Variants in GOLGA6L7 observed in about 807,000 individuals in gnomAD.
GOLGA6L7 encodes the protein golgin A6 family like 7.
Under a neutral mutation model 68.9 loss-of-function variants are expected in GOLGA6L7, and 29 were observed. The ratio of observed to expected loss-of-function variants is 0.42; its 90% CI spans 0.31 to 0.57. The LOEUF is 0.57. Ranked by LOEUF, GOLGA6L7 falls within the 20% of genes least tolerant of loss-of-function variation. GOLGA6L7 has a pLI of 0.13. For missense variants in GOLGA6L7, 396 were observed against 588.4 expected (o/e 0.67, Z 3.38); for synonymous variants, 133 against 197.4 (o/e 0.67, Z 2.73).
chr15:28,844,117 T>A (rs1037618315), intron 7 of GOLGA6L7, 88 bp downstream of exon 7: 5 of 517,904 alleles, frequency 9.7e-6, no homozygotes, highest in Non-Finnish European at 1.7e-5. Flanking sequence ...TATGACCCCC[T>A]ACCATGCTCA....
rs889209178 is a variant in GOLGA6L7 at position 28,842,111 on chromosome 15, C to T, written c.*124G>A. 5.8e-5 allele frequency: 49 copies of T among 847,460 alleles called. No individual in the cohort carries two copies. The African/African-American group carries it at 6.2e-4, about 11-fold the overall frequency. 52.5% of individuals were successfully genotyped at this position (847,460 alleles called of 1,614,324 possible). ...TGGTGTGATTACAGGTGCAGGCCAC[C>T]GTGCCCGGCCAGTATTTTGCCACAA... On this transcript the variant is annotated 3_prime_UTR_variant, in exon 9 of 9. Coordinates refer to ENST00000567390, the MANE Select transcript of GOLGA6L7 (RefSeq NM_001365371.2).
At chr15:28,845,204 C>G (rs1428323971) in intron 6 of GOLGA6L7, 2 of 455,614 alleles carry the variant, frequency 4.4e-6, no homozygotes, top group Non-Finnish European at 8.1e-6. Context: ...TGGTAACATA[C>G]TAAAGATACT....
chr15:28,846,895 C>T lies in GOLGA6L7; in HGVS notation c.180+169G>A, dbSNP rs1464724358. ...TGTGAAAAGAGAGGCCCAAAGAGCT[C>T]GAGCAATTTTCCCTAAACCGTGTCC... On this transcript the variant is annotated intron_variant, in intron 2 of 8. Coordinates refer to ENST00000567390, the MANE Select transcript of GOLGA6L7 (RefSeq NM_001365371.2). 46 of 534,344 alleles carry T rather than the reference C, an allele frequency of 8.6e-5. 3 individuals carry two copies. Among genetic ancestry groups the T allele is most frequent in the African/African-American group, 4.8e-4 (20 of 41,742 alleles). The allele number at this position is 534,344 out of a possible 1,614,324, so 33.1% of individuals were successfully genotyped here. A position where few individuals can be genotyped will look rare whatever the true frequency, so the allele number is the denominator to read the frequency against.
At chr15:28,844,523 C>T (rs1394855535) in intron 6 of GOLGA6L7, among the ~76,000 whole-genome samples, 4 of 150,700 alleles carry the variant, frequency 2.7e-5, no homozygotes, top group South Asian at 2.1e-4. Flanking sequence ...CTCCGCCTCC[C>T]GGCTTCAAGC....
chr15:28,847,138 T>G lies in GOLGA6L7; in HGVS notation c.106A>C (p.Thr36Pro), dbSNP rs1461009301. 8.9e-6 allele frequency: 11 copies of G among 1,240,852 alleles called. No homozygotes were observed. The highest frequency in any genetic ancestry group is 1.2e-5 in the Non-Finnish European group (10 of 861,514). The allele number at this position is 1,240,852 out of a possible 1,614,324, so 76.9% of individuals were successfully genotyped here. Residue 36 changes from threonine (T) to proline (P), a missense_variant, in exon 2 of 9, where the codon ACC becomes CCC. Thr to Pro is a conservative substitution (Grantham distance 38). Around this residue, in one of 5 missense-constraint regions of GOLGA6L7, gnomAD observed 18 missense variants for 56.5 expected, o/e 0.32. Transcript: ENST00000567390. ...CCATGATTTATTTTCTTCTTTTTGG[T>G]GTCGGTTGCTCCGGTACCAACACCA... is the stretch of plus-strand genomic sequence containing the variant. ...SAGVGTGATD[T>P]KKKKINHGAN... is the part of the protein sequence containing the mutation.
chr15:28,842,837 CCATCTGCTCCTCCTGCTTCCT>C lies in GOLGA6L7; in HGVS notation c.1246_1266del (p.Arg416_Met422del), dbSNP rs1274563930. 3 of 1,236,342 alleles carry C rather than the reference CCATCTGCTCCTCCTGCTTCCT, an allele frequency of 2.4e-6. No individual in the cohort carries two copies. The highest frequency in any genetic ancestry group is 3.1e-4 in the Middle Eastern group (1 of 3,186). 76.6% of individuals were successfully genotyped at this position (1,236,342 alleles called of 1,614,324 possible). ...TTCCGGATCTGCTCCTCCTGCTCCC[CCATCTGCTCCTCCTGCTTCCT>C]CATCTGCTCCCCCATCTGCTCCTCC... is the stretch of plus-strand genomic sequence containing the variant. On this transcript the variant is annotated inframe_deletion, in exon 9 of 9. Transcript: ENST00000567390.
chr15:28,845,888 C>T lies in GOLGA6L7; in HGVS notation c.261+12G>A, dbSNP rs1357887718. 4 of 1,234,592 alleles carry T rather than the reference C, an allele frequency of 3.2e-6. No individual in the cohort carries two copies. In the South Asian group the frequency reaches 4.9e-5, roughly 15 times the overall value. The allele number at this position is 1,234,592 out of a possible 1,614,324, so 76.5% of individuals were successfully genotyped here. A position where few individuals can be genotyped will look rare whatever the true frequency, so the allele number is the denominator to read the frequency against. On this transcript the variant is annotated intron_variant, in intron 4 of 8. Transcript: ENST00000567390. The stretch of plus-strand genomic sequence containing the variant: ...CCAGAGGACAGGAGGGAACTTCACA[C>T]CCTCCACTCACCTCTAGCTGCCTCC...
chr15:28,846,316 C>T (rs1171719549), intron 2 of GOLGA6L7, 67 bp from the exon 3 acceptor site: 15 of 745,788 alleles, frequency 2.0e-5, no homozygotes, highest in Non-Finnish European at 2.9e-5. Flanking sequence ...GGCCAGGAAG[C>T]GGTAGGCAGG....
At chr15:28,846,168 T>G in intron 3 of GOLGA6L7, 52 bp downstream of exon 3, 1 of 721,254 alleles carries the variant, frequency 1.4e-6, no homozygotes. Flanking sequence ...TACATCTGAG[T>G]GCCCCCCAAA....
chr15:28,844,509 C>T (rs2030340894), intron 6 of GOLGA6L7, among the ~76,000 whole-genome samples: 1 of 150,562 alleles, frequency 6.6e-6, no homozygotes, highest in Non-Finnish European at 1.5e-5. Flanking sequence ...CACCCCACCG[C>T]AACCTCCGCC....
At chr15:28,846,610 A>G (rs1477384519) in intron 2 of GOLGA6L7, 1 of 439,262 alleles carries the variant, frequency 2.3e-6, no homozygotes, top group African/African-American at 2.0e-5. Context: ...ACGGTTCTTC[A>G]CTGCTGGGAT....
chr15:28,844,254 C>T lies in GOLGA6L7; in HGVS notation c.472G>A (p.Glu158Lys). Residue 158 changes from glutamate to lysine, a missense_variant, in exon 7 of 9, where the codon GAG becomes AAG. By Grantham distance (56) the Glu-to-Lys change is moderately conservative (BLOSUM62 1). Transcript: ENST00000567390. ...EHERADKYIKELTKEREAMSL... is the reference protein window; with the variant it reads ...EHERADKYIKKLTKEREAMSL... ...ATGGCTTCCCTCTCCTTTGTTAACTCCTTGATGTACTGCAAACAGAGAAAG... is the reference window on the plus strand; with the variant it reads ...ATGGCTTCCCTCTCCTTTGTTAACTTCTTGATGTACTGCAAACAGAGAAAG... 2.6e-6 allele frequency: 1 copy of T among 378,292 alleles called. No homozygotes were observed. The highest frequency in any genetic ancestry group is 4.9e-5 in the South Asian group (1 of 20,454). The allele number at this position is 378,292 out of a possible 1,614,324, so 23.4% of individuals were successfully genotyped here. A position where few individuals can be genotyped will look rare whatever the true frequency, so the allele number is the denominator to read the frequency against.
At chr15:28,847,426 C>T (rs536145681) in intron 1 of GOLGA6L7, among the ~76,000 whole-genome samples, 2 of 151,722 alleles carry the variant, frequency 1.3e-5, no homozygotes, top group Non-Finnish European at 2.9e-5. Flanking sequence ...TGCCACAAAT[C>T]AGCAGCTGCC....
chr15:28,847,475 G>T (rs1275494906), intron 1 of GOLGA6L7, among the ~76,000 whole-genome samples: 1 of 152,022 alleles, frequency 6.6e-6, no homozygotes, highest in East Asian at 1.9e-4. Flanking sequence ...AAAGTAAAAA[G>T]TAGGCAGGAA....
In GOLGA6L7 at chr15:28,846,019, C is replaced by A. The variant is rs553713509; in HGVS notation, c.211-69G>T. On this transcript the variant is annotated intron_variant, in intron 3 of 8. Transcript: ENST00000567390. Reference sequence around the variant, plus strand: ...CAGAGATGGCACAGCAAGAGACATGCCCCCAGAATGGCCCCACTGTCCCAG... The same window carrying A: ...CAGAGATGGCACAGCAAGAGACATGACCCCAGAATGGCCCCACTGTCCCAG... 1.8e-4 allele frequency: 161 copies of A among 904,788 alleles called. 2 individuals are homozygous for A. In the South Asian group the frequency reaches 2.1e-3, roughly 12 times the overall value. 56.0% of individuals were successfully genotyped at this position (904,788 alleles called of 1,614,324 possible).
chr15:28,844,810 ATT>A, intron 6 of GOLGA6L7, among the ~76,000 whole-genome samples: 1 of 151,710 alleles, frequency 6.6e-6, no homozygotes, highest in East Asian at 1.9e-4. Flanking sequence ...GACAGTTATC[ATT>A]ATCACCTCTA....
rs910460010 is a variant in GOLGA6L7 at position 28,842,511 on chromosome 15, C to T, written c.1593G>A (p.Lys531=). ...RRQVEKRREK[K]ERMGEQEKTQ... ...TCTTCTCCTGCTCTCCCATCCTCTC[C>T]TTCTTCTCCCGCCTCTTCTCCACCT... Residue 531 remains lysine, a synonymous_variant, in exon 9 of 9, where the codon AAG becomes AAA. Transcript: ENST00000567390. The T allele has an allele frequency of 3.3e-6, 4 of 1,204,142 alleles. No homozygotes were observed. In the African/African-American group the frequency reaches 4.7e-5, roughly 14 times the overall value. 74.6% of individuals were successfully genotyped at this position (1,204,142 alleles called of 1,614,324 possible).
rs752776378 is a variant in GOLGA6L7 at position 28,847,112 on chromosome 15, G to A, written c.132C>T (p.Gly44=). The change falls in exon 2 of 9, where the codon GGC becomes GGT. Residue 44 remains glycine, a synonymous_variant. Coordinates refer to ENST00000567390, the MANE Select transcript of GOLGA6L7 (RefSeq NM_001365371.2). The stretch of plus-strand genomic sequence containing the variant: ...CCGAAGTGGTTGTCTCAGGGTTAGC[G>A]CCATGATTTATTTTCTTCTTTTTGG... The part of the protein sequence containing the change: ...TDTKKKKINH[G]ANPETTTSGG... 22 of 1,132,210 alleles carry A rather than the reference G, an allele frequency of 1.9e-5. No individual in the cohort carries two copies. Among genetic ancestry groups the A allele is most frequent in the Non-Finnish European group, 2.5e-5 (19 of 767,260 alleles). The allele number at this position is 1,132,210 out of a possible 1,614,324, so 70.1% of individuals were successfully genotyped here.
rs2030215994 is a variant in GOLGA6L7, at chr15:28,842,316, C to T, written c.1788G>A (p.Glu596=). The change falls in exon 9 of 9, where the codon GAG becomes GAA. Residue 596 remains glutamate (E), a synonymous_variant. Transcript: ENST00000567390. ...QLPPGMKNAQ[E]RPGLGSTSCI... Reference sequence around the variant, plus strand: ...AGGAGGTGCTGCCTAAGCCTGGGCGCTCCTGGGCGTTCTTCATTCCAGGGG... The same window carrying T: ...AGGAGGTGCTGCCTAAGCCTGGGCGTTCCTGGGCGTTCTTCATTCCAGGGG... 28 of 1,231,498 alleles carry T rather than the reference C, an allele frequency of 2.3e-5. No homozygotes were observed. Among genetic ancestry groups the T allele is most frequent in the Non-Finnish European group, 2.6e-5 (26 of 985,974 alleles). 76.3% of individuals were successfully genotyped at this position (1,231,498 alleles called of 1,614,324 possible).
Sources: gnomAD v4.1 joint callset for allele counts (sites outside exome capture counted in the v4.1 genomes callset) on GRCh38, gnomAD v4.1.1 for gene constraint, gnomAD v4.1.1 regional missense constraint, MANE v1.5 for transcripts, NCBI Gene and HGNC (gene_info 2026-07-23, HGNC 2026-07-21) for gene names.